Variants in PRKCH observed in about 807,000 individuals in gnomAD.
PRKCH encodes protein kinase C eta type.
A neutral mutation model predicts 82.5 loss-of-function variants in PRKCH; 28 were observed. The observed-to-expected ratio is 0.34, with a 90% CI of 0.25 to 0.47. PRKCH has a LOEUF of 0.47. PRKCH is among the 20% of genes least tolerant of loss of function. The pLI, the probability that PRKCH is intolerant of heterozygous loss-of-function variation, is 1.00. For synonymous variants in PRKCH, 322 were observed against 327.4 expected (o/e 0.98, Z 0.18); for missense variants, 705 against 881.8 (o/e 0.80, Z 2.54).
intron 10 of PRKCH, among the ~76,000 whole-genome samples, chr14:61,503,841 A>G (rs1323003366): frequency 1.3e-5 from 2 of 152,178 alleles, no homozygotes; most frequent in East Asian, 3.8e-4. Context: ...TTTTCACAGT[A>G]TCTCACTTGA....
At chr14:61,362,891 T>C (rs983014919) in intron 1 of PRKCH, among the ~76,000 whole-genome samples, 2 of 152,138 alleles carry the variant, frequency 1.3e-5, no homozygotes, top group African/African-American at 2.4e-5. Flanking sequence ...TATCAAATGA[T>C]TGGTGTTGAA....
intron 2 of PRKCH, among the ~76,000 whole-genome samples, chr14:61,415,071 C>T (rs113569629): frequency 7.2e-4 from 110 of 152,298 alleles, no homozygotes; most frequent in African/African-American, 2.5e-3. Context: ...TTTCAAACTC[C>T]TCTGGCTCAG....
chr14:61,409,206 G>T (rs1466369596), intron 2 of PRKCH, among the ~76,000 whole-genome samples: 1 of 152,204 alleles, frequency 6.6e-6, no homozygotes, highest in Non-Finnish European at 1.5e-5. Flanking sequence ...TCATGGGCAT[G>T]CACACTGCCA....
At chr14:61,467,516 T>C (rs1298884601) in intron 9 of PRKCH, among the ~76,000 whole-genome samples, 1 of 152,204 alleles carries the variant, frequency 6.6e-6, no homozygotes. Context: ...GACCCTACAG[T>C]GGCATTACTG....
At chr14:61,513,328 A>C (rs546315083) in intron 10 of PRKCH, among the ~76,000 whole-genome samples, 2 of 152,330 alleles carry the variant, frequency 1.3e-5, no homozygotes, top group East Asian at 3.9e-4. Context: ...GAGAGCTGAA[A>C]TAAGCATGGA....
At chr14:61,250,279 A>AAATC (rs1313661332) in intron 1 of PRKCH, among the ~76,000 whole-genome samples, 2 of 148,946 alleles carry the variant, frequency 1.3e-5, no homozygotes, top group Admixed American at 6.7e-5. Flanking sequence ...ATAAATAAAT[A>AAATC]AATCTGGACA....
intron 1 of PRKCH, among the ~76,000 whole-genome samples, chr14:61,270,993 A>G (rs2045147540): frequency 6.6e-6 from 1 of 152,140 alleles, no homozygotes; most frequent in Admixed American, 6.5e-5. Flanking sequence ...AAGCACAAAC[A>G]AGTAAAGGTG....
At chr14:61,492,767 AT>A (rs1886505375) in intron 10 of PRKCH, among the ~76,000 whole-genome samples, 1 of 152,218 alleles carries the variant, frequency 6.6e-6, no homozygotes, top group Non-Finnish European at 1.5e-5. Flanking sequence ...AGAGATAGCC[AT>A]TAATAAGTCA....
intron 1 of PRKCH, chr14:61,277,782 A>G (rs567155016): frequency 1.2e-4 from 19 of 152,336 alleles, no homozygotes; most frequent in African/African-American, 4.6e-4. Context: ...TCTAGTTTAT[A>G]TACACGTTGA....
At chr14:61,358,092 G>C (rs539403033) in intron 1 of PRKCH, among the ~76,000 whole-genome samples, 7 of 152,250 alleles carry the variant, frequency 4.6e-5, no homozygotes, top group Non-Finnish European at 7.4e-5. Context: ...TTGGGGCTCT[G>C]GAATCAGATT....
intron 2 of PRKCH, among the ~76,000 whole-genome samples, chr14:61,400,247 C>T (rs1881539326): frequency 6.6e-6 from 1 of 152,206 alleles, no homozygotes; most frequent in East Asian, 1.9e-4. Flanking sequence ...CCCCCTGTAT[C>T]AACACTTCAG....
chr14:61,233,547 G>A (rs1043422021), intron 1 of PRKCH, among the ~76,000 whole-genome samples: 5 of 152,120 alleles, frequency 3.3e-5, no homozygotes, highest in Admixed American at 2.6e-4. Flanking sequence ...TGAAGGATAC[G>A]GTTTGGCTGT....
At chr14:61,498,671 G>A (rs139004639) in intron 10 of PRKCH, among the ~76,000 whole-genome samples, 42 of 152,238 alleles carry the variant, frequency 2.8e-4, no homozygotes, top group African/African-American at 8.9e-4. Context: ...GTTCTCATGC[G>A]GTGAGGGGAT....
At chr14:61,227,693 T>C (rs2044708284) in intron 1 of PRKCH, among the ~76,000 whole-genome samples, 1 of 151,918 alleles carries the variant, frequency 6.6e-6, no homozygotes, top group Admixed American at 6.6e-5. Flanking sequence ...ATATATTAGG[T>C]TGGTGCAAAA....
chr14:61,331,185 A>C (rs571980436), intron 1 of PRKCH, among the ~76,000 whole-genome samples: 1 of 152,290 alleles, frequency 6.6e-6, no homozygotes, highest in Admixed American at 6.5e-5. Context: ...TTAGATATGT[A>C]ATAATTTATT....
rs567565968 is a variant in PRKCH at position 61,425,634 on chromosome 14, G to C, written c.428-17477G>C. Among the ~76,000 whole-genome samples, 10 of 152,342 alleles carry C rather than the reference G, an allele frequency of 6.6e-5. No individual in the cohort carries two copies. In the South Asian group the frequency reaches 2.1e-3, roughly 32 times the overall value. On this transcript the variant is annotated intron_variant, in intron 2 of 13. Transcript: ENST00000332981. The stretch of plus-strand genomic sequence containing the variant: ...TTGCCTTGTCTCAGATGAGACTTTG[G>C]ACTGTGGACTTTTGAGTTAATGCTG...
chr14:61,433,015 G>T (rs1316671190), intron 2 of PRKCH, among the ~76,000 whole-genome samples: 1 of 124,614 alleles, frequency 8.0e-6, no homozygotes, highest in Admixed American at 9.3e-5. Context: ...TGTCCTCTAA[G>T]TTCCCTCCCC....
intron 10 of PRKCH, among the ~76,000 whole-genome samples, chr14:61,515,793 T>G (rs929944597): frequency 6.6e-6 from 1 of 152,208 alleles, no homozygotes; most frequent in African/African-American, 2.4e-5. Flanking sequence ...TTGTTTTTAC[T>G]CTTTATCAGT....
chr14:61,387,075 G>T (rs1423093399), intron 1 of PRKCH, among the ~76,000 whole-genome samples: 1 of 152,246 alleles, frequency 6.6e-6, no homozygotes, highest in Non-Finnish European at 1.5e-5. Context: ...CAACACAGGT[G>T]CCGGACACTC....
Sources: allele counts gnomAD v4.1 joint callset (sites outside exome capture counted in the v4.1 genomes callset), GRCh38; gene constraint gnomAD v4.1.1; transcripts MANE v1.5; gene names NCBI Gene and HGNC (gene_info 2026-07-23, HGNC 2026-07-21).